The following KLHDC4 variants were observed in gnomAD, a reference collection of about 807,000 sequenced individuals.
KLHDC4 encodes the protein kelch domain-containing protein 4.
In KLHDC4, 90 loss-of-function variants were observed where a neutral mutation model predicts 62.4. That is an observed-to-expected ratio of 1.44 (90% confidence interval 1.22 to 1.72). The LOEUF is 1.72. Among genes scored for constraint, KLHDC4 ranks in the 40% most tolerant of loss-of-function variants. The pLI is 0.00. For missense variants in KLHDC4, 1,025 were observed against 699.7 expected (o/e 1.47, Z -5.25); for synonymous variants, 386 against 284.4 (o/e 1.36, Z -3.59).
intron 5 of KLHDC4, among the ~76,000 whole-genome samples, chr16:87,731,302 C>T (rs988872153): frequency 3.3e-5 from 5 of 151,716 alleles, no homozygotes; most frequent in Admixed American, 1.3e-4. Flanking sequence ...TGACCTCAAA[C>T]CTCAAGTGAT....
chr16:87,755,525 G>C (rs972556260), intron 3 of KLHDC4: 4 of 394,450 alleles, frequency 1.0e-5, no homozygotes, highest in South Asian at 7.2e-5. Context: ...GAAAGCCCTC[G>C]TTGTTATTAG....
At chr16:87,707,649 G>C (rs974139451), downstream of KLHDC4, among the ~76,000 whole-genome samples, 1 of 152,146 alleles carries the variant, frequency 6.6e-6, no homozygotes, top group South Asian at 2.1e-4. Context: ...GCATATTCCG[G>C]GGTTTCGGGC....
chr16:87,761,985 T>TG lies in KLHDC4; in HGVS notation c.154dup (p.Gln52ProfsTer23). ...TGGGGGGCACGGAAGTTCCACAGTC[T>TG]GAGTCCTCTTGGCATCGAGTGTCTG... is the stretch of plus-strand genomic sequence containing the variant. On this transcript the variant is annotated frameshift_variant, in exon 2 of 12. Transcript: ENST00000270583. LOFTEE classifies it high-confidence loss of function. 1 of 1,614,050 alleles carries TG rather than the reference T, an allele frequency of 6.2e-7. No individual in the cohort carries two copies. The highest frequency in any genetic ancestry group is 1.1e-5 in the South Asian group (1 of 91,052).
At chr16:87,747,064 G>A (rs1032814532) in intron 5 of KLHDC4, among the ~76,000 whole-genome samples, 1 of 152,216 alleles carries the variant, frequency 6.6e-6, no homozygotes, top group Admixed American at 6.5e-5. Flanking sequence ...GGTACCCACA[G>A]TGCATCCCTA....
At position 87,711,349 on chromosome 16, in the gene KLHDC4, C is replaced by T. The variant is rs150540063; in HGVS notation, c.930G>A (p.Leu310=). The part of the protein sequence containing the change: ...SVAMAPNHQT[L]FFGGVCDEEE... ...CCTCGTCACAGACACCCCCGAAGAA[C>T]AGTGTCTGGTGATTCGGGGCCATGG... Residue 310 remains leucine, a synonymous_variant, in exon 9 of 12, where the codon CTG becomes CTA. Coordinates refer to ENST00000270583, the MANE Select transcript of KLHDC4 (RefSeq NM_017566.4). The T allele has an allele frequency of 3.7e-6, 6 of 1,613,896 alleles. No individual in the cohort carries two copies. The East Asian group carries it at 6.7e-5, about 18-fold the overall frequency.
chr16:87,755,425 G>A (rs771121646), intron 3 of KLHDC4, 133 bp from the exon 4 acceptor site: 18 of 560,858 alleles, frequency 3.2e-5, no homozygotes, highest in African/African-American at 1.1e-4. Context: ...AGCACAGGGA[G>A]GCCATGGGCT....
At chr16:87,759,112 C>A (rs1392412193) in intron 2 of KLHDC4, among the ~76,000 whole-genome samples, 1 of 152,056 alleles carries the variant, frequency 6.6e-6, no homozygotes, top group East Asian at 1.9e-4. Context: ...GTGGAGGTTG[C>A]GGTGAGCCGA....
chr16:87,753,438 T>A (rs1040079564), intron 4 of KLHDC4, among the ~76,000 whole-genome samples: 5 of 151,656 alleles, frequency 3.3e-5, no homozygotes, highest in Non-Finnish European at 7.4e-5. Context: ...GCGTCAAAGA[T>A]CAAGATGATC....
intron 7 of KLHDC4, among the ~76,000 whole-genome samples, chr16:87,719,136 GA>G (rs1167703287): frequency 6.6e-6 from 1 of 150,776 alleles, no homozygotes; most frequent in African/African-American, 2.4e-5. Context: ...GGGAAGTGAG[GA>G]TCTTCCCGGC....
intron 3 of KLHDC4, chr16:87,756,005 T>A (rs779734748): frequency 5.7e-6 from 1 of 174,032 alleles, no homozygotes; most frequent in Non-Finnish European, 1.3e-5. Flanking sequence ...CAGGTCTTAC[T>A]GGCCTGCTCA....
At chr16:87,725,704 C>T (rs1474542568) in intron 7 of KLHDC4, among the ~76,000 whole-genome samples, 2 of 152,178 alleles carry the variant, frequency 1.3e-5, no homozygotes, top group Admixed American at 6.5e-5. Context: ...CTGTGCCAGC[C>T]GCCTCTGTGA....
chr16:87,765,920 C>G lies in KLHDC4; in HGVS notation c.-30G>C, dbSNP rs1490256020. On this transcript the variant is annotated 5_prime_UTR_variant, in exon 1 of 12. Transcript: ENST00000270583. Reference sequence around the variant, plus strand: ...CCGGGTCCCAAGCCGCGACGGGACACCAGGAAAGAAAACGGCCCGCGCTCT... The same window carrying G: ...CCGGGTCCCAAGCCGCGACGGGACAGCAGGAAAGAAAACGGCCCGCGCTCT... 1.3e-6 allele frequency: 2 copies of G among 1,547,450 alleles called. No individual in the cohort carries two copies. The highest frequency in any genetic ancestry group is 8.7e-7 in the Non-Finnish European group (1 of 1,144,398).
intron 5 of KLHDC4, among the ~76,000 whole-genome samples, chr16:87,737,590 CTTTTTT>C (rs10709997): frequency 1.5e-5 from 2 of 130,402 alleles, no homozygotes; most frequent in Non-Finnish European, 1.6e-5. Flanking sequence ...ACAAATCAGT[CTTTTTT>C]TTTTTTTTTT....
chr16:87,759,896 C>T (rs1322144723), intron 2 of KLHDC4, among the ~76,000 whole-genome samples: 1 of 152,212 alleles, frequency 6.6e-6, no homozygotes, highest in Non-Finnish European at 1.5e-5. Context: ...ACCAGCGGCA[C>T]CAGCCCAGGT....
chr16:87,714,718 G>C (rs113910563), intron 7 of KLHDC4, 145 bp from the exon 8 acceptor site: 2 of 824,484 alleles, frequency 2.4e-6, no homozygotes, highest in East Asian at 2.5e-5. Flanking sequence ...CGTGCCTGCA[G>C]TGTGCTCAGG....
chr16:87,751,517 CATGCAGAAAAT>C (rs758025989), intron 4 of KLHDC4, among the ~76,000 whole-genome samples: 64 of 151,488 alleles, frequency 4.2e-4, no homozygotes, highest in Non-Finnish European at 8.1e-4. Flanking sequence ...GCAGAGAAAA[CATGCAGAAAAT>C]ACAAATTCAG....
chr16:87,753,177 C>G (rs1429198267), intron 4 of KLHDC4, among the ~76,000 whole-genome samples: 1 of 152,186 alleles, frequency 6.6e-6, no homozygotes, highest in Non-Finnish European at 1.5e-5. Context: ...AGAAAAAGCC[C>G]TGGAAATCTG....
chr16:87,761,861 C>G, intron 2 of KLHDC4, 88 bp downstream of exon 2: 1 of 1,251,718 alleles, frequency 8.0e-7, no homozygotes, highest in Non-Finnish European at 1.2e-6. Context: ...AGTGCCTGGT[C>G]ATTTACGAAA....
chr16:87,703,963 C>T (rs2034342310), downstream of KLHDC4, among the ~76,000 whole-genome samples: 1 of 152,270 alleles, frequency 6.6e-6, no homozygotes, highest in African/African-American at 2.4e-5. Flanking sequence ...CTCCACACAA[C>T]ACTCTTACAC....
Sources: allele counts gnomAD v4.1 joint callset (sites outside exome capture counted in the v4.1 genomes callset), GRCh38; gene constraint gnomAD v4.1.1; transcripts MANE v1.5; gene names NCBI Gene and HGNC (gene_info 2026-07-23, HGNC 2026-07-21).